The following MYH10 variants were observed in gnomAD, a reference collection of about 807,000 sequenced individuals.
MYH10 encodes myosin heavy chain 10.
Under a neutral mutation model 257.8 loss-of-function variants are expected in MYH10, and 55 were observed. The ratio of observed to expected loss-of-function variants is 0.21; its 90% CI spans 0.17 to 0.27. MYH10 has a LOEUF of 0.27. Ranked by LOEUF, MYH10 falls within the 10% of genes least tolerant of loss-of-function variation. The pLI is 1.00. For synonymous variants in MYH10, 854 were observed against 921.7 expected (o/e 0.93, Z 1.33); for missense variants, 1,631 against 2,500.6 (o/e 0.65, Z 7.42).
rs1473657751 is a variant in MYH10 at position 8,499,433 on chromosome 17, T to C, written c.3788A>G (p.Asp1263Gly). The change falls in exon 30 of 43, where the codon GAT becomes GGT. Residue 1263 changes from aspartate (D) to glycine (G), a missense_variant. Coordinates refer to ENST00000360416, the MANE Select transcript of MYH10 (RefSeq NM_001256012.3). ...LEKNKQGLET[D>G]NKELACEVKV... ...CACCTCACACGCCAGCTCCTTGTTATCTGTCTCCAGGCCCTGCTTGTTCTT... is the reference window on the plus strand; with the variant it reads ...CACCTCACACGCCAGCTCCTTGTTACCTGTCTCCAGGCCCTGCTTGTTCTT... 1 of 1,614,206 alleles carries C rather than the reference T, an allele frequency of 6.2e-7. No homozygotes were observed. Among genetic ancestry groups the C allele is most frequent in the Non-Finnish European group, 8.5e-7 (1 of 1,180,046 alleles).
In MYH10 at chr17:8,509,836, C is replaced by G; in HGVS notation, c.3066G>C (p.Glu1022Asp). The G allele has an allele frequency of 2.5e-6, 4 of 1,608,234 alleles. No homozygotes were observed. The highest frequency in any genetic ancestry group is 3.4e-6 in the Non-Finnish European group (4 of 1,177,606). Residue 1022 changes from glutamate (E) to aspartate (D), a missense_variant, in exon 25 of 43, where the codon GAG becomes GAC. This residue lies in a region of MYH10 where 169 missense variants were observed against 249.8 expected (regional missense o/e 0.68). Coordinates refer to ENST00000360416, the MANE Select transcript of MYH10 (RefSeq NM_001256012.3). ...CTTTGATGAACTTGGAATTTTGGTCCTCGAGAAGCAGAATCTCCTCTTCCA... is the reference window on the plus strand; with the variant it reads ...CTTTGATGAACTTGGAATTTTGGTCGTCGAGAAGCAGAATCTCCTCTTCCA... ...KKMEEEILLL[E>D]DQNSKFIKEK... is the part of the protein sequence containing the mutation.
At chr17:8,550,328 C>A (rs2082590175) in intron 9 of MYH10, among the ~76,000 whole-genome samples, 1 of 152,010 alleles carries the variant, frequency 6.6e-6, no homozygotes, top group African/African-American at 2.4e-5. Context: ...TGGGGAGCGC[C>A]TCTGCCCCGC....
chr17:8,486,590 G>A (rs1914843654), intron 36 of MYH10, among the ~76,000 whole-genome samples: 2 of 125,100 alleles, frequency 1.6e-5, no homozygotes, highest in African/African-American at 3.1e-5. Flanking sequence ...ATGGAAACAA[G>A]TTCCTACCAA....
chr17:8,591,335 G>T (rs1209251980), intron 3 of MYH10, among the ~76,000 whole-genome samples: 2 of 152,196 alleles, frequency 1.3e-5, no homozygotes, highest in African/African-American at 4.8e-5. Context: ...TCTGCTGAGA[G>T]AAACCCAGTG....
chr17:8,475,458 C>T lies in MYH10; in HGVS notation c.*346G>A, dbSNP rs980920296. The T allele has an allele frequency of 3.8e-4, 83 of 220,398 alleles. No homozygotes were observed. Among genetic ancestry groups the T allele is most frequent in the African/African-American group, 1.7e-3 (75 of 43,568 alleles). The allele number at this position is 220,398 out of a possible 1,614,324, so 13.7% of individuals were successfully genotyped here. On this transcript the variant is annotated 3_prime_UTR_variant, in exon 43 of 43. Transcript: ENST00000360416. ...CAGAGCGACTGAGTGACGACCACGG[C>T]GCTGCCCCAATAACCCAGCGACCCG... is the stretch of plus-strand genomic sequence containing the variant.
At chr17:8,614,255 T>C (rs1381438716) in intron 2 of MYH10, among the ~76,000 whole-genome samples, 1 of 142,874 alleles carries the variant, frequency 7.0e-6, no homozygotes, top group African/African-American at 2.6e-5. Flanking sequence ...CTATTAGAAA[T>C]AATAAAATAA....
chr17:8,549,699 G>GCTCTCC (rs551808380), intron 9 of MYH10, among the ~76,000 whole-genome samples: 6 of 151,942 alleles, frequency 3.9e-5, no homozygotes, highest in Admixed American at 6.5e-5. Context: ...GAATTTACTC[G>GCTCTCC]CTCTCCCTCT....
At chr17:8,508,501 A>G (rs1319927150) in intron 26 of MYH10, 53 bp downstream of exon 26, 1 of 1,608,106 alleles carries the variant, frequency 6.2e-7, no homozygotes, top group Non-Finnish European at 8.5e-7. Context: ...TTACAGTAAA[A>G]GCTAAACACT....
chr17:8,607,840 T>C (rs1668636297), intron 2 of MYH10, among the ~76,000 whole-genome samples: 1 of 152,136 alleles, frequency 6.6e-6, no homozygotes, highest in African/African-American at 2.4e-5. Flanking sequence ...AAAGATGAAC[T>C]GGTATTATAA....
rs573659892 is a variant in MYH10 at position 8,477,660 on chromosome 17, G to A, written c.5707-612C>T. Among the ~76,000 whole-genome samples the A allele has an allele frequency of 2.6e-5, 4 of 152,318 alleles. No individual in the cohort carries two copies. The highest frequency in any genetic ancestry group is 9.6e-5 in the African/African-American group (4 of 41,564). On this transcript the variant is annotated intron_variant, in intron 41 of 42. Coordinates refer to ENST00000360416, the MANE Select transcript of MYH10 (RefSeq NM_001256012.3). This position sits in a 1 kb window ranked among gnomAD's most constrained non-coding sequence, Gnocchi z 4.2. ...CCCAAGGGTGGGGGTGGGAAGGGAA[G>A]GCCAGGTTGCCTGACTGAATGAATG...
At chr17:8,589,171 T>C (rs1041436594) in intron 3 of MYH10, 63 bp from the exon 4 acceptor site, 234 of 1,552,652 alleles carry the variant, frequency 1.5e-4, no homozygotes, top group Admixed American at 2.5e-4. Context: ...TTTAAAATAT[T>C]TGATATAATA....
intron 21 of MYH10, among the ~76,000 whole-genome samples, 154 bp from the exon 22 acceptor site, chr17:8,514,048 G>A (rs1181554273): frequency 2.0e-5 from 3 of 152,194 alleles, no homozygotes; most frequent in African/African-American, 4.8e-5. Context: ...CAAGGAAGCC[G>A]TTCTGGCCGC....
chr17:8,590,480 T>C (rs1345719972), intron 3 of MYH10, among the ~76,000 whole-genome samples: 1 of 151,976 alleles, frequency 6.6e-6, no homozygotes, highest in East Asian at 1.9e-4. Flanking sequence ...GCCCGGCTAA[T>C]TTTTGTATCT....
chr17:8,546,395 AC>A (rs1329342726), intron 12 of MYH10, 148 bp downstream of exon 12: 2 of 595,228 alleles, frequency 3.4e-6, no homozygotes. Context: ...AAGTAAATAT[AC>A]TTAAAAAAAA....
chr17:8,613,611 G>A (rs1382370560), intron 2 of MYH10, among the ~76,000 whole-genome samples: 2 of 151,912 alleles, frequency 1.3e-5, no homozygotes, highest in Non-Finnish European at 2.9e-5. Flanking sequence ...GAGGTGAAAA[G>A]ACAGAATAAT....
chr17:8,585,714 G>C lies in MYH10; in HGVS notation c.530+3367C>G, dbSNP rs147481489. On this transcript the variant is annotated intron_variant, in intron 4 of 42. Transcript: ENST00000360416. ...GAGGTAGGTAAGTACGGGGGGACAGGAGAAGGAACTTTCTGGGGTGATGGT... is the reference window on the plus strand; with the variant it reads ...GAGGTAGGTAAGTACGGGGGGACAGCAGAAGGAACTTTCTGGGGTGATGGT... Among the ~76,000 whole-genome samples the C allele has an allele frequency of 3.3e-3, 498 of 152,224 alleles. 1 individual carries two copies. The highest frequency in any genetic ancestry group is 0.012 in the African/African-American group (485 of 41,528).
Position 8,600,864 on chromosome 17 carries a change from T to A in MYH10, c.502+3962A>T, listed in dbSNP as rs984366435. 2.6e-5 allele frequency among the ~76,000 whole-genome samples: 4 copies of A among 152,066 alleles called. No individual in the cohort carries two copies. The East Asian group carries it at 7.7e-4, about 29-fold the overall frequency. ...TCACTAAATGGACTCATACCCCGTA[T>A]GTGGGGGAAAGCCAAGTCTCGGTTA... On this transcript the variant is annotated intron_variant, in intron 3 of 42. Coordinates refer to ENST00000360416, the MANE Select transcript of MYH10 (RefSeq NM_001256012.3).
At chr17:8,599,008 G>A (rs2084494559) in intron 3 of MYH10, among the ~76,000 whole-genome samples, 2 of 152,176 alleles carry the variant, frequency 1.3e-5, no homozygotes, top group Non-Finnish European at 2.9e-5. Flanking sequence ...TGCCCAGCCT[G>A]TTGTAGTGAT....
At chr17:8,623,993 C>T in intron 1 of MYH10, among the ~76,000 whole-genome samples, 1 of 152,192 alleles carries the variant, frequency 6.6e-6, no homozygotes, top group Non-Finnish European at 1.5e-5. Context: ...CCTGCCGGAT[C>T]TCTCGCCTAA....
Sources: gnomAD v4.1 joint callset for allele counts (sites outside exome capture counted in the v4.1 genomes callset) on GRCh38, gnomAD v4.1.1 for gene constraint, gnomAD v4.1.1 regional missense constraint, Gnocchi (gnomAD v3.1) non-coding constraint, MANE v1.5 for transcripts, NCBI Gene and HGNC (gene_info 2026-07-23, HGNC 2026-07-21) for gene names.